Variants in ZC3H3 observed in about 807,000 individuals in gnomAD.
ZC3H3 encodes zinc finger CCCH-type containing 3.
A neutral mutation model predicts 77.3 loss-of-function variants in ZC3H3; 36 were observed. That is an observed-to-expected ratio of 0.47 (90% CI 0.36 to 0.61). ZC3H3 has a LOEUF of 0.61. ZC3H3 is among the 20% of genes least tolerant of loss of function. ZC3H3 has a pLI of 0.00. For synonymous variants in ZC3H3, 626 were observed against 555.2 expected (o/e 1.13, Z -1.79); for missense variants, 1,331 against 1,312.2 (o/e 1.01, Z -0.22).
chr8:143,482,488 T>G lies in ZC3H3; in HGVS notation c.1716-6903A>C, dbSNP rs527457765. On this transcript the variant is annotated intron_variant, in intron 4 of 11. Transcript: ENST00000262577. ...GAGGTCCTAAGGGAGGAGTGTGGGG[T>G]GGGGAAGGGTCAGGAGGCCCTGGTC... is the stretch of plus-strand genomic sequence containing the variant. Among the ~76,000 whole-genome samples, 11 of 150,936 alleles carry G rather than the reference T, an allele frequency of 7.3e-5. No individual in the cohort carries two copies. In the South Asian group the frequency reaches 2.3e-3, roughly 32 times the overall value.
chr8:143,506,263 C>A (rs994950761), intron 4 of ZC3H3, among the ~76,000 whole-genome samples: 3 of 152,258 alleles, frequency 2.0e-5, no homozygotes, highest in Non-Finnish European at 4.4e-5. Flanking sequence ...AGCCGCACCC[C>A]TGGGAGAGGT....
intron 4 of ZC3H3, among the ~76,000 whole-genome samples, chr8:143,483,583 G>A (rs545478508): frequency 1.3e-5 from 2 of 152,318 alleles, no homozygotes; most frequent in East Asian, 3.9e-4. Flanking sequence ...CAGTGGGGGT[G>A]CTAGGCGGGC....
chr8:143,502,531 A>T (rs1039225063), intron 4 of ZC3H3, among the ~76,000 whole-genome samples: 3 of 152,242 alleles, frequency 2.0e-5, no homozygotes, highest in African/African-American at 7.2e-5. Flanking sequence ...AAATAAAATA[A>T]GGCAGCCCAG....
chr8:143,504,849 T>C (rs1036186803), intron 4 of ZC3H3, among the ~76,000 whole-genome samples: 5 of 152,296 alleles, frequency 3.3e-5, no homozygotes, highest in African/African-American at 1.2e-4. Context: ...AGCAGTGCTG[T>C]TGGCCTCGTC....
At chr8:143,527,685 G>A (rs2130485956) in intron 3 of ZC3H3, among the ~76,000 whole-genome samples, 1 of 152,290 alleles carries the variant, frequency 6.6e-6, no homozygotes, top group South Asian at 2.1e-4. Context: ...CTTTCACGGG[G>A]TTCACCGCAG....
At chr8:143,495,476 G>T (rs382539) in intron 4 of ZC3H3, among the ~76,000 whole-genome samples, 4,247 of 152,306 alleles carry the variant, frequency 0.028, 179 homozygotes, top group African/African-American at 0.096. Context: ...TCAGAGCTGG[G>T]GCTGCCTCTG....
rs1037843358 is a variant in ZC3H3, at chr8:143,460,966, G to T, written c.2307+4751C>A. On this transcript the variant is annotated intron_variant, in intron 9 of 11. Coordinates refer to ENST00000262577, the MANE Select transcript of ZC3H3 (RefSeq NM_015117.3). The surrounding 1 kb of genome is among the most constrained non-coding windows in gnomAD (Gnocchi z 4.0). ...ACTAGGGTTTGGGAAGCGGGGAGTG[G>T]AGAGTCATTGCTGAATACTCAGTGT... Among the ~76,000 whole-genome samples the T allele has an allele frequency of 6.6e-6, 1 of 152,194 alleles. No homozygotes were observed. The highest frequency in any genetic ancestry group is 2.4e-5 in the African/African-American group (1 of 41,440).
chr8:143,471,309 G>A (rs1346528325), intron 5 of ZC3H3, among the ~76,000 whole-genome samples: 1 of 152,226 alleles, frequency 6.6e-6, no homozygotes, highest in Non-Finnish European at 1.5e-5. Flanking sequence ...GGCAGAGGGT[G>A]CCCCAGAAGA....
In ZC3H3 at chr8:143,440,328, G is replaced by A. The variant is rs201482322; in HGVS notation, c.2528C>T (p.Thr843Met). 1.3e-4 allele frequency: 203 copies of A among 1,544,378 alleles called. No homozygotes were observed. In the African/African-American group the frequency reaches 2.2e-3, roughly 17 times the overall value. ...CGCAGTGAGGGCAGCCGAGCTGGGC[G>A]TCTGCCTGGTGGGGCGCTGGGATGC... ...PSASQRPTRQ[T>M]PSSAALTAAA... The change falls in exon 11 of 12, where the codon ACG becomes ATG. Residue 843 changes from threonine (T) to methionine (M), a missense_variant. Coordinates refer to ENST00000262577, the MANE Select transcript of ZC3H3 (RefSeq NM_015117.3).
Position 143,541,296 on chromosome 8 carries a change from C to T in ZC3H3, c.46+80G>A. 3.1e-6 allele frequency: 5 copies of T among 1,588,752 alleles called. No individual in the cohort carries two copies. In the South Asian group the frequency reaches 4.5e-5, roughly 14 times the overall value. The stretch of plus-strand genomic sequence containing the variant: ...AGAACACGCGGGCGGTGAGCGACCC[C>T]TTCGACAAGGGGGCAGGGGACCCGC... On this transcript the variant is annotated intron_variant, in intron 1 of 11. Transcript: ENST00000262577.
At chr8:143,504,184 G>C (rs982410998) in intron 4 of ZC3H3, among the ~76,000 whole-genome samples, 2 of 152,218 alleles carry the variant, frequency 1.3e-5, no homozygotes, top group East Asian at 3.9e-4. Context: ...CAATAGCTCA[G>C]GGCCTGGGGC....
chr8:143,541,277 C>A lies in ZC3H3; in HGVS notation c.46+99G>T, dbSNP rs1049984530. On this transcript the variant is annotated intron_variant, in intron 1 of 11. Coordinates refer to ENST00000262577, the MANE Select transcript of ZC3H3 (RefSeq NM_015117.3). Reference sequence around the variant, plus strand: ...CCCACCCCAGCCGCCACCCAGAACACGCGGGCGGTGAGCGACCCCTTCGAC... The same window carrying A: ...CCCACCCCAGCCGCCACCCAGAACAAGCGGGCGGTGAGCGACCCCTTCGAC... 5 of 1,577,430 alleles carry A rather than the reference C, an allele frequency of 3.2e-6. No individual in the cohort carries two copies. In the African/African-American group the frequency reaches 5.5e-5, roughly 17 times the overall value.
At chr8:143,445,114 G>A (rs1819833093) in intron 9 of ZC3H3, among the ~76,000 whole-genome samples, 1 of 152,182 alleles carries the variant, frequency 6.6e-6, no homozygotes, top group Admixed American at 6.5e-5. Flanking sequence ...GGGCACAGTG[G>A]CTCATGCCTG....
intron 4 of ZC3H3, among the ~76,000 whole-genome samples, chr8:143,480,010 G>C (rs1820865402): frequency 6.6e-6 from 1 of 152,214 alleles, no homozygotes; most frequent in African/African-American, 2.4e-5. Flanking sequence ...AGGCCCTCCT[G>C]TCTCTGAAAG....
intron 3 of ZC3H3, among the ~76,000 whole-genome samples, chr8:143,518,985 G>A (rs1390441358): frequency 2.0e-5 from 3 of 152,260 alleles, no homozygotes; most frequent in Non-Finnish European, 4.4e-5. Context: ...TGCAGCCCCA[G>A]CAGCAATGCC....
chr8:143,514,291 C>T (rs1434878608), intron 3 of ZC3H3, among the ~76,000 whole-genome samples: 2 of 152,134 alleles, frequency 1.3e-5, no homozygotes, highest in African/African-American at 2.4e-5. Context: ...AGCCTCAGGC[C>T]GTGTGTCCCC....
chr8:143,483,786 C>G (rs1263306006), intron 4 of ZC3H3, among the ~76,000 whole-genome samples: 1 of 152,220 alleles, frequency 6.6e-6, no homozygotes, highest in Non-Finnish European at 1.5e-5. Flanking sequence ...CCTCCAAACC[C>G]CTATACCCAG....
At chr8:143,502,012 C>T (rs1263975847) in intron 4 of ZC3H3, among the ~76,000 whole-genome samples, 2 of 152,310 alleles carry the variant, frequency 1.3e-5, no homozygotes, top group Middle Eastern at 3.4e-3. Flanking sequence ...CATGATGGGA[C>T]GAGCATCCTC....
chr8:143,505,614 C>T (rs981234065), intron 4 of ZC3H3, among the ~76,000 whole-genome samples: 2 of 152,200 alleles, frequency 1.3e-5, no homozygotes, highest in African/African-American at 4.8e-5. Context: ...CCCGAAGGGT[C>T]CCAGACGCCT....
Sources: allele counts gnomAD v4.1 joint callset (sites outside exome capture counted in the v4.1 genomes callset), GRCh38; gene constraint gnomAD v4.1.1; non-coding constraint Gnocchi (gnomAD v3.1); transcripts MANE v1.5; gene names NCBI Gene and HGNC (gene_info 2026-07-23, HGNC 2026-07-21).